The following MMAB variants were observed in gnomAD, a reference collection of about 807,000 sequenced individuals.
The protein encoded by MMAB is metabolism of cobalamin associated B, also known as corrinoid adenosyltransferase MMAB.
A neutral mutation model predicts 30.6 loss-of-function variants in MMAB; 17 were observed. The observed-to-expected ratio is 0.56, with a 90% CI of 0.38 to 0.83. The LOEUF is 0.83. Ranked by LOEUF, MMAB falls within the 40% of genes least tolerant of loss-of-function variation. The probability of loss-of-function intolerance (pLI) is 0.00; values close to 1 mark genes in which losing one functional copy is unlikely to be tolerated. For synonymous variants in MMAB, 134 were observed against 138.6 expected, an observed-to-expected ratio of 0.97 and a Z score of 0.23; for missense variants, 311 against 331.6, an observed-to-expected ratio of 0.94 and a Z score of 0.48.
Position 109,555,920 on chromosome 12 carries a change from A to G in MMAB, c.*1108T>C. 1 of 454,092 alleles carries G rather than the reference A, an allele frequency of 2.2e-6. No homozygotes were observed. Among genetic ancestry groups the G allele is most frequent in the Non-Finnish European group, 4.4e-6 (1 of 226,786 alleles). 28.1% of individuals were successfully genotyped at this position (454,092 alleles called of 1,614,324 possible). A position where few individuals can be genotyped will look rare whatever the true frequency, so the allele number is the denominator to read the frequency against. On this transcript the variant is annotated 3_prime_UTR_variant, in exon 9 of 9. Transcript: ENST00000545712. ...CGAGCCTAGCGCGGTGGCCCATGCTAAGCAGCCACTCAGTCAATATGTGAT... is the reference window on the plus strand; with the variant it reads ...CGAGCCTAGCGCGGTGGCCCATGCTGAGCAGCCACTCAGTCAATATGTGAT...
At position 109,554,061 on chromosome 12, in the gene MMAB, C is replaced by T. The variant is rs1287086337; in HGVS notation, c.*2967G>A. On this transcript the variant is annotated 3_prime_UTR_variant, in exon 9 of 9. Transcript: ENST00000545712. ...GAGCCTGGCATTGTTCGCCACAGCC[C>T]AGGTAGTGATTAAAACGACTGTCAA... 4.4e-6 allele frequency: 2 copies of T among 454,092 alleles called. No homozygotes were observed. The highest frequency in any genetic ancestry group is 1.4e-4 in the East Asian group (2 of 14,396). The allele number at this position is 454,092 out of a possible 1,614,324, so 28.1% of individuals were successfully genotyped here. A position where few individuals can be genotyped will look rare whatever the true frequency, so the allele number is the denominator to read the frequency against.
chr12:109,558,632 C>A lies in MMAB; in HGVS notation c.644+464G>T, dbSNP rs180700293. On this transcript the variant is annotated intron_variant, in intron 8 of 8. Transcript: ENST00000545712. This position sits in a 1 kb window ranked among gnomAD's most constrained non-coding sequence, Gnocchi z 4.3. Reference sequence around the variant, plus strand: ...CCTGGGCTAGCCTGGCTCACTGGGGCCTGCATGGGGTCCCCTGAGCGCAGC... The same window carrying A: ...CCTGGGCTAGCCTGGCTCACTGGGGACTGCATGGGGTCCCCTGAGCGCAGC... Among the ~76,000 whole-genome samples the A allele has an allele frequency of 2.0e-5, 3 of 152,006 alleles. No homozygotes were observed. The highest frequency in any genetic ancestry group is 4.4e-5 in the Non-Finnish European group (3 of 67,984).
At chr12:109,560,936 C>G (rs901594172) in intron 7 of MMAB, 104 bp downstream of exon 7, 11 of 1,045,570 alleles carry the variant, frequency 1.1e-5, no homozygotes, top group South Asian at 1.3e-5. Flanking sequence ...TGCAGAGGCC[C>G]CTCTCCCTCT....
At chr12:109,560,903 C>G in intron 7 of MMAB, 137 bp downstream of exon 7, 2 of 864,292 alleles carry the variant, frequency 2.3e-6, no homozygotes, top group Non-Finnish European at 3.7e-6. Context: ...GATGGCCCTG[C>G]TGTACCTGCC....
intron 4 of MMAB, among the ~76,000 whole-genome samples, chr12:109,562,590 G>T (rs772606769): frequency 6.6e-6 from 1 of 152,214 alleles, no homozygotes; most frequent in Non-Finnish European, 1.5e-5. Context: ...CTCTGTCCAC[G>T]TCTCCTGTGC....
At chr12:109,573,042 G>C (rs1884711012) in intron 1 of MMAB, among the ~76,000 whole-genome samples, 1 of 152,254 alleles carries the variant, frequency 6.6e-6, no homozygotes, top group African/African-American at 2.4e-5. Flanking sequence ...GAAGGTGCTG[G>C]TGTATCTGGG....
In MMAB at chr12:109,565,078, G is replaced by A. The variant is rs745981958; in HGVS notation, c.348+41C>T. 9.1e-6 allele frequency: 14 copies of A among 1,544,728 alleles called. No homozygotes were observed. In the Admixed American group the frequency reaches 1.7e-4, roughly 18 times the overall value. On this transcript the variant is annotated intron_variant, in intron 4 of 8. Transcript: ENST00000545712. Reference sequence around the variant, plus strand: ...ATGCTGAGTCCCGTGATGGCCACCGGGGCTGAAGATTCCCAGCTTGGGTGA... The same window carrying A: ...ATGCTGAGTCCCGTGATGGCCACCGAGGCTGAAGATTCCCAGCTTGGGTGA...
chr12:109,559,654 G>A (rs765852507), intron 7 of MMAB, among the ~76,000 whole-genome samples: 13 of 152,248 alleles, frequency 8.5e-5, no homozygotes, highest in Non-Finnish European at 1.6e-4. Context: ...GTCCATGCCA[G>A]TCTATTTGCA....
chr12:109,557,280 C>T, intron 8 of MMAB, 144 bp from the exon 9 acceptor site: 2 of 703,942 alleles, frequency 2.8e-6, no homozygotes, highest in South Asian at 1.5e-5. Context: ...GGGGCCCAGC[C>T]ATCTTGCACT....
In MMAB at chr12:109,554,969, G is replaced by A. The variant is rs1256204673; in HGVS notation, c.*2059C>T. 2.2e-6 allele frequency: 1 copy of A among 453,996 alleles called. No individual in the cohort carries two copies. The highest frequency in any genetic ancestry group is 4.4e-6 in the Non-Finnish European group (1 of 226,802). 28.1% of individuals were successfully genotyped at this position (453,996 alleles called of 1,614,324 possible). A position where few individuals can be genotyped will look rare whatever the true frequency, so the allele number is the denominator to read the frequency against. On this transcript the variant is annotated 3_prime_UTR_variant, in exon 9 of 9. Transcript: ENST00000545712. ...GAGACAGATACAGAGGCGGGGGTCT[G>A]AGAACGCGACTGTTAACATCCAGGC...
rs748054981 is a variant in MMAB at position 109,561,244 on chromosome 12, G to A, written c.520-140C>T. The A allele has an allele frequency of 2.1e-5, 33 of 1,590,264 alleles. No individual in the cohort carries two copies. The highest frequency in any genetic ancestry group is 1.1e-4 in the African/African-American group (8 of 74,812). On this transcript the variant is annotated intron_variant, in intron 6 of 8. Coordinates refer to ENST00000545712, the MANE Select transcript of MMAB (RefSeq NM_052845.4). The surrounding 1 kb of genome is among the most constrained non-coding windows in gnomAD (Gnocchi z 5.3). ...GGAGCCCTGCCACGGCACACCCACC[G>A]GGCACGCTGCTCCAGAGTGGGCAGG...
rs1555273916 is a variant in MMAB, at chr12:109,556,648, T to TCTCTCTCTCTCTCTCACACACACACA, written c.*379_*380insTGTGTGTGTGTGAGAGAGAGAGAGAG. 3.3e-6 allele frequency: 1 copy of TCTCTCTCTCTCTCTCACACACACACA among 299,376 alleles called. No homozygotes were observed. The highest frequency in any genetic ancestry group is 3.0e-5 in the African/African-American group (1 of 33,092). 18.5% of individuals were successfully genotyped at this position (299,376 alleles called of 1,614,324 possible). On this transcript the variant is annotated 3_prime_UTR_variant, in exon 9 of 9. Transcript: ENST00000545712. Reference sequence around the variant, plus strand: ...GAGCTGGCAGTGGGAGGGCTCTCTCTCACACACACACACACACACACACAC... The same window carrying TCTCTCTCTCTCTCTCACACACACACA: ...GAGCTGGCAGTGGGAGGGCTCTCTCTCTCTCTCTCTCTCTCACACACACACACACACACACACACACACACACACAC...
At chr12:109,570,108 A>T in intron 2 of MMAB, 1 of 331,758 alleles carries the variant, frequency 3.0e-6, no homozygotes, top group Non-Finnish European at 6.1e-6. Context: ...CTAAAAACAG[A>T]AAAAATTAGT....
intron 4 of MMAB, among the ~76,000 whole-genome samples, chr12:109,562,674 C>T (rs1293089700): frequency 2.0e-5 from 3 of 152,222 alleles, no homozygotes; most frequent in Non-Finnish European, 4.4e-5. Context: ...AACAGTTGGG[C>T]CAAGAGGTCA....
At position 109,554,637 on chromosome 12, in the gene MMAB, G is replaced by A. The variant is rs1333527202; in HGVS notation, c.*2391C>T. 2 of 454,142 alleles carry A rather than the reference G, an allele frequency of 4.4e-6. No homozygotes were observed. The highest frequency in any genetic ancestry group is 4.7e-5 in the Admixed American group (2 of 42,580). 28.1% of individuals were successfully genotyped at this position (454,142 alleles called of 1,614,324 possible). A position where few individuals can be genotyped will look rare whatever the true frequency, so the allele number is the denominator to read the frequency against. ...GTGTGCAAACACTGGGGCAGCGGGG[G>A]CTTCGCAGTCACATTTCCTGACTGT... is the stretch of plus-strand genomic sequence containing the variant. On this transcript the variant is annotated 3_prime_UTR_variant, in exon 9 of 9. Coordinates refer to ENST00000545712, the MANE Select transcript of MMAB (RefSeq NM_052845.4).
chr12:109,566,023 G>A (rs566836819), intron 3 of MMAB, among the ~76,000 whole-genome samples: 14 of 152,318 alleles, frequency 9.2e-5, no homozygotes, highest in African/African-American at 3.4e-4. Context: ...AGAGTTTCAG[G>A]GAAATGCAGG....
chr12:109,554,994 C>A lies in MMAB; in HGVS notation c.*2034G>T, dbSNP rs1332141328. 1.3e-5 allele frequency: 6 copies of A among 453,978 alleles called. No individual in the cohort carries two copies. Among genetic ancestry groups the A allele is most frequent in the Non-Finnish European group, 2.6e-5 (6 of 226,794 alleles). 28.1% of individuals were successfully genotyped at this position (453,978 alleles called of 1,614,324 possible). On this transcript the variant is annotated 3_prime_UTR_variant, in exon 9 of 9. Transcript: ENST00000545712. The stretch of plus-strand genomic sequence containing the variant: ...GAGAACGCGACTGTTAACATCCAGG[C>A]TGTGACACCCGGTCCTGGAAGGACA...
rs767177510 is a variant in MMAB, at chr12:109,573,486, A to T, written c.-6T>A. 1.3e-6 allele frequency: 2 copies of T among 1,599,266 alleles called. No individual in the cohort carries two copies. Among genetic ancestry groups the T allele is most frequent in the South Asian group, 1.1e-5 (1 of 89,850 alleles). ...CCCAGGCCGCACACAGCCATGAGCC[A>T]GGCTGCTTGACGGGACCTGACCCCG... On this transcript the variant is annotated 5_prime_UTR_variant, in exon 1 of 9. Coordinates refer to ENST00000545712, the MANE Select transcript of MMAB (RefSeq NM_052845.4).
At chr12:109,565,323 T>G in intron 3 of MMAB, 147 bp from the exon 4 acceptor site, 4 of 714,236 alleles carry the variant, frequency 5.6e-6, no homozygotes, top group Non-Finnish European at 5.1e-6. Flanking sequence ...AATAAGAACA[T>G]TATAGCCTTC....
Sources: allele counts gnomAD v4.1 joint callset (sites outside exome capture counted in the v4.1 genomes callset), GRCh38; gene constraint gnomAD v4.1.1; non-coding constraint Gnocchi (gnomAD v3.1); transcripts MANE v1.5; gene names NCBI Gene and HGNC (gene_info 2026-07-23, HGNC 2026-07-21).